The following SNRPD2 variants were observed in gnomAD, a reference collection of about 807,000 sequenced individuals.
SNRPD2 encodes small nuclear ribonucleoprotein D2 polypeptide.
A neutral mutation model predicts 11.5 loss-of-function variants in SNRPD2; 1 was observed. The observed-to-expected ratio is 0.09, with a 90% CI of 0.03 to 0.41. The LOEUF (loss-of-function observed/expected upper bound fraction) is 0.41, where lower values mean the gene tolerates loss of function less well. Among genes scored for constraint, SNRPD2 ranks in the 10% least tolerant of loss-of-function variants. SNRPD2 has a pLI of 0.98. For synonymous variants in SNRPD2, 63 were observed against 61.5 expected (o/e 1.02, Z -0.12); for missense variants, 77 against 154.9 (o/e 0.50, Z 2.67).
chr19:45,688,291 C>T lies in SNRPD2; in HGVS notation c.182+96G>A. 8.9e-7 allele frequency: 1 copy of T among 1,124,894 alleles called. No homozygotes were observed. Among genetic ancestry groups the T allele is most frequent in the Admixed American group, 2.1e-5 (1 of 47,226 alleles). The allele number at this position is 1,124,894 out of a possible 1,614,324, so 69.7% of individuals were successfully genotyped here. A position where few individuals can be genotyped will look rare whatever the true frequency, so the allele number is the denominator to read the frequency against. ...AGCCACCACGCCTGGCCATACACCC[C>T]AGGCTTCTGAGACAGCTGTCTTTGA... On this transcript the variant is annotated intron_variant, in intron 2 of 2. Transcript: ENST00000342669. The surrounding 1 kb of genome is among the most constrained non-coding windows in gnomAD (Gnocchi z 4.1).
At position 45,687,597 on chromosome 19, in the gene SNRPD2, A is replaced by T; in HGVS notation, c.313T>A (p.Ser105Thr). ...GGGTTCCGCAGGACCACGATGACTG[A>T]GTCCCCGCGCAGGAACATCTTGGAG... ...YISKMFLRGDSVIVVLRNPLI... is the reference protein window; with the variant it reads ...YISKMFLRGDTVIVVLRNPLI... The change falls in exon 3 of 3, where the codon TCA (serine) becomes ACA (threonine). Residue 105 changes from serine to threonine, a missense_variant. Physicochemically the swap from Ser to Thr is moderately conservative, Grantham distance 58. Transcript: ENST00000342669. The surrounding 1 kb of genome is among the most constrained non-coding windows in gnomAD (Gnocchi z 4.1). The T allele has an allele frequency of 6.2e-7, 1 of 1,614,222 alleles. No individual in the cohort carries two copies. The highest frequency in any genetic ancestry group is 8.5e-7 in the Non-Finnish European group (1 of 1,180,032).
upstream of SNRPD2, chr19:45,692,043 C>A (rs773222649): frequency 3.7e-5 from 58 of 1,583,832 alleles, no homozygotes; most frequent in Admixed American, 1.0e-4. Context: ...CCACAGCATT[C>A]CCCACCAACG....
intron 1 of SNRPD2, chr19:45,689,436 G>A (rs984733910): frequency 2.9e-6 from 1 of 343,152 alleles, no homozygotes; most frequent in African/African-American, 2.1e-5. Context: ...AGGAGGTCAA[G>A]GTGGATTGAT....
Position 45,687,485 on chromosome 19 carries a change from T to C in SNRPD2, c.*68A>G. 1.4e-6 allele frequency: 2 copies of C among 1,425,766 alleles called. No homozygotes were observed. Among genetic ancestry groups the C allele is most frequent in the Non-Finnish European group, 2.0e-6 (2 of 1,020,002 alleles). 88.3% of individuals were successfully genotyped at this position (1,425,766 alleles called of 1,614,324 possible). A position where few individuals can be genotyped will look rare whatever the true frequency, so the allele number is the denominator to read the frequency against. ...TAGAAAAAAACACAGAGCTTTATTA[T>C]TCTCAACACCAATGGCAGCGGTCTT... is the stretch of plus-strand genomic sequence containing the variant. On this transcript the variant is annotated 3_prime_UTR_variant, in exon 3 of 3. Transcript: ENST00000342669. The surrounding 1 kb of genome is among the most constrained non-coding windows in gnomAD (Gnocchi z 4.1).
Position 45,687,574 on chromosome 19 carries a change from G to A in SNRPD2, c.336C>T (p.Asn112=). The part of the protein sequence containing the change: ...RGDSVIVVLR[N]PLIAGK ...GCCCCTACTTGCCGGCGATGAGCGG[G>A]TTCCGCAGGACCACGATGACTGAGT... Residue 112 remains asparagine (N), a synonymous_variant, in exon 3 of 3, where the codon AAC becomes AAT. Coordinates refer to ENST00000342669, the MANE Select transcript of SNRPD2 (RefSeq NM_001384647.1). This position sits in a 1 kb window ranked among gnomAD's most constrained non-coding sequence, Gnocchi z 4.1. 1 of 1,614,214 alleles carries A rather than the reference G, an allele frequency of 6.2e-7. No homozygotes were observed. The highest frequency in any genetic ancestry group is 8.5e-7 in the Non-Finnish European group (1 of 1,180,018).
chr19:45,687,825 T>C lies in SNRPD2; in HGVS notation c.183-98A>G. Reference sequence around the variant, plus strand: ...GCTCGCCCCCTCCAGCAGCATGGCTTGGGGAAGGGTGCAGGTGCTAGGCCG... The same window carrying C: ...GCTCGCCCCCTCCAGCAGCATGGCTCGGGGAAGGGTGCAGGTGCTAGGCCG... On this transcript the variant is annotated intron_variant, in intron 2 of 2. Coordinates refer to ENST00000342669, the MANE Select transcript of SNRPD2 (RefSeq NM_001384647.1). This position sits in a 1 kb window ranked among gnomAD's most constrained non-coding sequence, Gnocchi z 4.1. The C allele has an allele frequency of 2.0e-6, 2 of 990,634 alleles. No homozygotes were observed. Among genetic ancestry groups the C allele is most frequent in the Non-Finnish European group, 3.1e-6 (2 of 646,140 alleles). The allele number at this position is 990,634 out of a possible 1,614,324, so 61.4% of individuals were successfully genotyped here.
At chr19:45,689,294 C>T (rs1568534192) in intron 1 of SNRPD2, 10 of 520,004 alleles carry the variant, frequency 1.9e-5, no homozygotes, top group Admixed American at 1.4e-4. Flanking sequence ...CCTCCACCCA[C>T]GTTCCCTGAC....
At chr19:45,691,536 A>ATT (rs5828244) in intron 1 of SNRPD2, 6,516 of 185,758 alleles carry the variant, frequency 0.035, 207 homozygotes, top group African/African-American at 0.089. Context: ...TCATAATTAA[A>ATT]TTTTTTTTTT....
rs753389808 is a variant in SNRPD2, at chr19:45,687,531, T to A, written c.*22A>T. On this transcript the variant is annotated 3_prime_UTR_variant, in exon 3 of 3. Transcript: ENST00000342669. This position sits in a 1 kb window ranked among gnomAD's most constrained non-coding sequence, Gnocchi z 4.1. ...GTCTTCATAGGACAGAGGAGTGAGT[T>A]CTGTCAACAGACAGGCGGCCCCTAC... 6.2e-7 allele frequency: 1 copy of A among 1,611,494 alleles called. No homozygotes were observed. Among genetic ancestry groups the A allele is most frequent in the East Asian group, 2.2e-5 (1 of 44,874 alleles).
Position 45,687,473 on chromosome 19 carries a change from A to C in SNRPD2, c.*80T>G. On this transcript the variant is annotated 3_prime_UTR_variant, in exon 3 of 3. Transcript: ENST00000342669. The surrounding 1 kb of genome is among the most constrained non-coding windows in gnomAD (Gnocchi z 4.1). ...AACAGATACCACTAGAAAAAAACAC[A>C]GAGCTTTATTATTCTCAACACCAAT... 7.4e-7 allele frequency: 1 copy of C among 1,359,276 alleles called. No individual in the cohort carries two copies. The highest frequency in any genetic ancestry group is 1.0e-6 in the Non-Finnish European group (1 of 968,190). The allele number at this position is 1,359,276 out of a possible 1,614,324, so 84.2% of individuals were successfully genotyped here. A position where few individuals can be genotyped will look rare whatever the true frequency, so the allele number is the denominator to read the frequency against.
chr19:45,691,663 GC>G (rs1967559387), intron 1 of SNRPD2: 1 of 613,012 alleles, frequency 1.6e-6, no homozygotes, highest in Admixed American at 2.6e-5. Flanking sequence ...GAGCCCCCGC[GC>G]CCAGCCCAGG....
At position 45,690,098 on chromosome 19, in the gene SNRPD2, G is replaced by A. The variant is rs1409410619; in HGVS notation, c.3-1532C>T. On this transcript the variant is annotated intron_variant, in intron 1 of 2. Coordinates refer to ENST00000342669, the MANE Select transcript of SNRPD2 (RefSeq NM_001384647.1). ...TGTAATCCCAGCACTTTGGGAGGCC[G>A]AGGCGGGCGGATCACGAGGTCAGGA... Among the ~76,000 whole-genome samples the A allele has an allele frequency of 5.9e-5, 9 of 151,556 alleles. No homozygotes were observed. In the East Asian group the frequency reaches 9.8e-4, roughly 17 times the overall value.
At position 45,688,356 on chromosome 19, in the gene SNRPD2, C is replaced by T. The variant is rs768751851; in HGVS notation, c.182+31G>A. 6.9e-6 allele frequency: 11 copies of T among 1,604,846 alleles called. No homozygotes were observed. Among genetic ancestry groups the T allele is most frequent in the East Asian group, 4.5e-5 (2 of 44,838 alleles). ...AGCTGGAGTGGCCTCTCCAGGCCTG[C>T]GGAGAACACCTCCCAGGACCCAGCA... On this transcript the variant is annotated intron_variant, in intron 2 of 2. Coordinates refer to ENST00000342669, the MANE Select transcript of SNRPD2 (RefSeq NM_001384647.1). This position sits in a 1 kb window ranked among gnomAD's most constrained non-coding sequence, Gnocchi z 4.1.
At chr19:45,692,126 A>T, upstream of SNRPD2, 1 of 984,004 alleles carries the variant, frequency 1.0e-6, no homozygotes, top group Non-Finnish European at 1.5e-6. Context: ...GCAGATGTTT[A>T]TGACAATGAA....
intron 1 of SNRPD2, among the ~76,000 whole-genome samples, chr19:45,689,530 AAAC>A (rs1262645812): frequency 3.3e-5 from 5 of 151,862 alleles, no homozygotes; most frequent in Admixed American, 2.0e-4. Context: ...AAACAAAACA[AAAC>A]AACAATAAAA....
At chr19:45,691,544 T>C (rs1429602322) in intron 1 of SNRPD2, 1 of 255,608 alleles carries the variant, frequency 3.9e-6, no homozygotes, top group Non-Finnish European at 7.6e-6. Context: ...AAATTTTTTT[T>C]TTTTTTTGTA....
In SNRPD2 at chr19:45,689,363, T is replaced by C. The variant is rs117759001; in HGVS notation, c.3-797A>G. ...GTGCTAAAACCTAAATCATAACATG[T>C]CACTCTTCAAAACCCTCCCAGGGTA... On this transcript the variant is annotated intron_variant, in intron 1 of 2. Transcript: ENST00000342669. 1.6e-4 allele frequency: 79 copies of C among 496,018 alleles called. No individual in the cohort carries two copies. In the East Asian group the frequency reaches 4.1e-3, roughly 26 times the overall value. The allele number at this position is 496,018 out of a possible 1,614,324, so 30.7% of individuals were successfully genotyped here.
chr19:45,691,816 T>G, intron 1 of SNRPD2, 71 bp downstream of exon 1: 2 of 1,548,852 alleles, frequency 1.3e-6, no homozygotes, highest in Non-Finnish European at 1.8e-6. Flanking sequence ...TGCTCAACCC[T>G]TCCCACACTC....
At chr19:45,692,174 G>A (rs1967579677), upstream of SNRPD2, 1 of 597,610 alleles carries the variant, frequency 1.7e-6, no homozygotes, top group Non-Finnish European at 2.8e-6. Context: ...ACCGTTTCTT[G>A]AAGAATGGTA....
Sources: gnomAD v4.1 joint callset for allele counts (sites outside exome capture counted in the v4.1 genomes callset) on GRCh38, gnomAD v4.1.1 for gene constraint, Gnocchi (gnomAD v3.1) non-coding constraint, MANE v1.5 for transcripts, NCBI Gene and HGNC (gene_info 2026-07-23, HGNC 2026-07-21) for gene names.